The following FGF5 variants were observed in gnomAD, a reference collection of about 807,000 sequenced individuals.
The protein encoded by FGF5 is heparin-binding growth factor 5.
In FGF5, 23 loss-of-function variants were observed where a neutral mutation model predicts 21.8. That is an observed-to-expected ratio of 1.05 (90% confidence interval 0.76 to 1.49). The LOEUF (loss-of-function observed/expected upper bound fraction) is 1.49. Among genes scored for constraint, FGF5 ranks in the 40% most tolerant of loss-of-function variants. The pLI is 0.00. For synonymous variants in FGF5, 158 were observed against 124.0 expected (o/e 1.27, Z -1.82); for missense variants, 352 against 332.9 (o/e 1.06, Z -0.45).
At chr4:80,278,815 G>A (rs116525977) in intron 2 of FGF5, among the ~76,000 whole-genome samples, 3 of 152,196 alleles carry the variant, frequency 2.0e-5, no homozygotes, top group South Asian at 2.1e-4. Context: ...AATTCTTGTC[G>A]TGCAGGTTTT....
chr4:80,277,812 A>G (rs930954356), intron 2 of FGF5, among the ~76,000 whole-genome samples: 1 of 152,080 alleles, frequency 6.6e-6, no homozygotes, highest in Admixed American at 6.6e-5. Flanking sequence ...ATTCTGGGAA[A>G]AGTAATCCCC....
chr4:80,278,822 T>C (rs1720483297), intron 2 of FGF5, among the ~76,000 whole-genome samples: 1 of 152,066 alleles, frequency 6.6e-6, no homozygotes, highest in Non-Finnish European at 1.5e-5. Flanking sequence ...GTCGTGCAGG[T>C]TTTTCAGCAT....
intron 2 of FGF5, among the ~76,000 whole-genome samples, chr4:80,275,663 T>C (rs946883564): frequency 1.3e-5 from 2 of 152,046 alleles, no homozygotes; most frequent in African/African-American, 2.4e-5. Flanking sequence ...AAACTATTTA[T>C]TTGCTTTGTT....
At chr4:80,278,605 T>C (rs1384634351) in intron 2 of FGF5, among the ~76,000 whole-genome samples, 1 of 152,178 alleles carries the variant, frequency 6.6e-6, no homozygotes, top group East Asian at 1.9e-4. Flanking sequence ...TATGGCAGAC[T>C]GAAAGGGTAG....
intron 1 of FGF5, chr4:80,268,385 C>T (rs1220139648): frequency 1.7e-5 from 10 of 595,404 alleles, no homozygotes; most frequent in Non-Finnish European, 1.9e-5. Flanking sequence ...CGCTCACAGT[C>T]ACCTGGTTTC....
At chr4:80,276,396 A>G (rs932641563) in intron 2 of FGF5, among the ~76,000 whole-genome samples, 1 of 152,166 alleles carries the variant, frequency 6.6e-6, no homozygotes, top group Non-Finnish European at 1.5e-5. Context: ...AGCAAGATGT[A>G]GTATAATATT....
chr4:80,267,388 C>A (rs888525988), intron 1 of FGF5, among the ~76,000 whole-genome samples: 1 of 152,168 alleles, frequency 6.6e-6, no homozygotes, highest in Non-Finnish European at 1.5e-5. Flanking sequence ...TGAGGAATTG[C>A]GATTTCTCAG....
In FGF5 at chr4:80,266,904, C is replaced by A; in HGVS notation, c.80C>A (p.Ala27Asp). 1 of 1,613,944 alleles carries A rather than the reference C, an allele frequency of 6.2e-7. No homozygotes were observed. Among genetic ancestry groups the A allele is most frequent in the Admixed American group, 1.7e-5 (1 of 60,014 alleles). ...SAWAHGEKRLAPKGQPGPAAT... is the reference protein window; with the variant it reads ...SAWAHGEKRLDPKGQPGPAAT... ...TGGGCTCACGGGGAGAAGCGTCTCG[C>A]CCCCAAAGGGCAACCCGGACCCGCT... is the stretch of plus-strand genomic sequence containing the variant. Residue 27 changes from alanine to aspartate, a missense_variant, in exon 1 of 3, where the codon GCC becomes GAC. By Grantham distance (126) the Ala-to-Asp change is moderately radical. Coordinates refer to ENST00000312465, the MANE Select transcript of FGF5 (RefSeq NM_004464.4).
At chr4:80,280,391 T>G (rs1720519359) in intron 2 of FGF5, among the ~76,000 whole-genome samples, 1 of 152,210 alleles carries the variant, frequency 6.6e-6, no homozygotes, top group Non-Finnish European at 1.5e-5. Context: ...TGAGACATGG[T>G]AATATATTTC....
At chr4:80,279,627 T>C (rs981990456) in intron 2 of FGF5, among the ~76,000 whole-genome samples, 9 of 152,328 alleles carry the variant, frequency 5.9e-5, no homozygotes, top group Admixed American at 5.9e-4. Flanking sequence ...TTTCCTATGG[T>C]TATAATCTTG....
chr4:80,274,798 T>A, intron 1 of FGF5, 111 bp from the exon 2 acceptor site: 1 of 608,836 alleles, frequency 1.6e-6, no homozygotes, highest in South Asian at 2.1e-5. Flanking sequence ...TACTAAGTTC[T>A]TTTTTAAAAT....
rs35549228 is a variant in FGF5, at chr4:80,287,257, T to G, written c.*585T>G. 6.6e-6 allele frequency: 1 copy of G among 152,172 alleles called. No homozygotes were observed. The highest frequency in any genetic ancestry group is 1.5e-5 in the Non-Finnish European group (1 of 68,038). 9.4% of individuals were successfully genotyped at this position (152,172 alleles called of 1,614,324 possible). ...ACATTTTTCCTATTCACTGCACTTT[T>G]TTATTGTTTTTATTTCTAGCCATAC... On this transcript the variant is annotated 3_prime_UTR_variant, in exon 3 of 3. Coordinates refer to ENST00000312465, the MANE Select transcript of FGF5 (RefSeq NM_004464.4).
At chr4:80,278,088 C>T (rs970526554) in intron 2 of FGF5, among the ~76,000 whole-genome samples, 2 of 151,970 alleles carry the variant, frequency 1.3e-5, no homozygotes, top group African/African-American at 4.8e-5. Flanking sequence ...TTTTTAAATG[C>T]TATAGTGCTT....
At chr4:80,272,935 C>T (rs1168935783) in intron 1 of FGF5, among the ~76,000 whole-genome samples, 3 of 151,906 alleles carry the variant, frequency 2.0e-5, no homozygotes, top group Non-Finnish European at 2.9e-5. Flanking sequence ...TCCGTATTTC[C>T]AATAGAAATT....
chr4:80,283,310 T>C (rs988846786), intron 2 of FGF5, among the ~76,000 whole-genome samples: 2 of 152,138 alleles, frequency 1.3e-5, no homozygotes, highest in African/African-American at 2.4e-5. Context: ...TTAGGTGACC[T>C]TTGAAAAATC....
intron 1 of FGF5, among the ~76,000 whole-genome samples, chr4:80,273,172 G>T (rs1245569908): frequency 1.4e-5 from 2 of 146,438 alleles, no homozygotes; most frequent in East Asian, 2.0e-4. Flanking sequence ...AGCACTGGTG[G>T]TTTTTTTTTT....
At chr4:80,270,244 T>G (rs1348945115) in intron 1 of FGF5, among the ~76,000 whole-genome samples, 1 of 152,226 alleles carries the variant, frequency 6.6e-6, no homozygotes, top group African/African-American at 2.4e-5. Flanking sequence ...TTCAGAAAAG[T>G]CAAAGCTTTG....
chr4:80,281,321 A>G (rs1720549274), intron 2 of FGF5, among the ~76,000 whole-genome samples: 1 of 152,148 alleles, frequency 6.6e-6, no homozygotes. Flanking sequence ...GGGGAATTAG[A>G]AGTGATGCAT....
In FGF5 at chr4:80,288,701, T is replaced by C. The variant is rs1451721518; in HGVS notation, c.*2029T>C. The C allele has an allele frequency of 6.6e-6, 1 of 152,568 alleles. No homozygotes were observed. Among genetic ancestry groups the C allele is most frequent in the Admixed American group, 6.6e-5 (1 of 15,264 alleles). The allele number at this position is 152,568 out of a possible 1,614,324, so 9.5% of individuals were successfully genotyped here. On this transcript the variant is annotated 3_prime_UTR_variant, in exon 3 of 3. Coordinates refer to ENST00000312465, the MANE Select transcript of FGF5 (RefSeq NM_004464.4). ...GCTGCCAAACAGGAACTAGTAAACA[T>C]ATGTTCCTAATAAGTGAAGGGAAAG...
Sources: allele counts gnomAD v4.1 joint callset (sites outside exome capture counted in the v4.1 genomes callset), GRCh38; gene constraint gnomAD v4.1.1; transcripts MANE v1.5; gene names NCBI Gene and HGNC (gene_info 2026-07-23, HGNC 2026-07-21).